The following CWC27 variants were observed in gnomAD, a reference collection of about 807,000 sequenced individuals.
CWC27 encodes spliceosome-associated protein CWC27 homolog.
In CWC27, 47 loss-of-function variants were observed where a neutral mutation model predicts 63.6. The ratio of observed to expected loss-of-function variants is 0.74; its 90% CI spans 0.58 to 0.94. The LOEUF (loss-of-function observed/expected upper bound fraction) is 0.94, where lower values mean the gene tolerates loss of function less well. CWC27 is among the 40% of genes least tolerant of loss of function. CWC27 has a pLI of 0.00. For missense variants in CWC27, 495 were observed against 554.3 expected (o/e 0.89, Z 1.07); for synonymous variants, 175 against 179.8 (o/e 0.97, Z 0.22).
At chr5:65,016,230 T>A (rs2915438) in intron 13 of CWC27, among the ~76,000 whole-genome samples, 131,666 of 152,180 alleles carry the variant, frequency 0.87, 57,141 homozygotes, top group African/African-American at 0.93. Flanking sequence ...CATTTTCTAA[T>A]TAAGGGTGTC....
rs974444854 is a variant in CWC27, at chr5:65,014,227, A to T, written c.1257-3932A>T. Among the ~76,000 whole-genome samples the T allele has an allele frequency of 2.8e-5, 4 of 143,536 alleles. No individual in the cohort carries two copies. In the East Asian group the frequency reaches 8.0e-4, roughly 29 times the overall value. 94.2% of individuals were successfully genotyped at this position (143,536 alleles called of 152,430 possible). A position where few individuals can be genotyped will look rare whatever the true frequency, so the allele number is the denominator to read the frequency against. The stretch of plus-strand genomic sequence containing the variant: ...TATATAATATATACTATATACTACA[A>T]TATATAATAGATTACATATTATATA... On this transcript the variant is annotated intron_variant, in intron 13 of 13. Transcript: ENST00000381070.
intron 13 of CWC27, among the ~76,000 whole-genome samples, chr5:65,009,592 C>T (rs956370559): frequency 2.0e-5 from 3 of 152,100 alleles, no homozygotes; most frequent in Admixed American, 6.5e-5. Context: ...GAGGGTGCCC[C>T]CGCTCTCCCT....
At chr5:64,868,001 A>G (rs1342566383) in intron 10 of CWC27, among the ~76,000 whole-genome samples, 1 of 151,970 alleles carries the variant, frequency 6.6e-6, no homozygotes, top group East Asian at 1.9e-4. Context: ...GACATATCAC[A>G]TACCAGATTT....
At chr5:64,786,456 A>G (rs1391583582) in intron 5 of CWC27, 68 bp from the exon 6 acceptor site, 3 of 900,744 alleles carry the variant, frequency 3.3e-6, no homozygotes, top group Non-Finnish European at 5.0e-6. Flanking sequence ...CTGGAATTAC[A>G]TACGGGGTTT....
chr5:65,016,424 C>A (rs146987452), intron 13 of CWC27, among the ~76,000 whole-genome samples: 80 of 151,914 alleles, frequency 5.3e-4, no homozygotes, highest in African/African-American at 1.9e-3. Flanking sequence ...TCACTTGATC[C>A]CAGGAGTTCG....
At chr5:64,876,765 A>G (rs2112332053) in intron 10 of CWC27, among the ~76,000 whole-genome samples, 1 of 152,202 alleles carries the variant, frequency 6.6e-6, no homozygotes, top group African/African-American at 2.4e-5. Context: ...TTCCTAAGGC[A>G]CATTCCTAGA....
intron 11 of CWC27, among the ~76,000 whole-genome samples, chr5:64,939,375 C>T (rs181838579): frequency 6.6e-6 from 1 of 152,218 alleles, no homozygotes; most frequent in African/African-American, 2.4e-5. Context: ...TTAGGCCCCT[C>T]TGCTGCAGGT....
intron 11 of CWC27, among the ~76,000 whole-genome samples, chr5:64,970,249 G>A (rs1749095268): frequency 7.0e-6 from 1 of 142,580 alleles, no homozygotes. Flanking sequence ...GTCTCGCTCT[G>A]TCGCCCAGGC....
chr5:64,921,655 C>T (rs867864825), intron 11 of CWC27, among the ~76,000 whole-genome samples: 26 of 152,252 alleles, frequency 1.7e-4, no homozygotes, highest in Admixed American at 5.2e-4. Context: ...AGACCATTTA[C>T]ATTCAGGGTC....
At chr5:64,801,167 C>T in intron 8 of CWC27, 135 bp from the exon 9 acceptor site, 1 of 829,112 alleles carries the variant, frequency 1.2e-6, no homozygotes, top group African/African-American at 1.9e-5. Context: ...TCTATAATGC[C>T]TTTCTTAAAT....
At chr5:64,989,536 G>A (rs1749496411) in intron 13 of CWC27, among the ~76,000 whole-genome samples, 1 of 152,224 alleles carries the variant, frequency 6.6e-6, no homozygotes, top group South Asian at 2.1e-4. Context: ...CCAGAGAGAA[G>A]TTGAAAAACA....
At chr5:64,906,070 A>G (rs1354237354) in intron 11 of CWC27, among the ~76,000 whole-genome samples, 1 of 152,240 alleles carries the variant, frequency 6.6e-6, no homozygotes, top group East Asian at 1.9e-4. Flanking sequence ...TTCTTAATCC[A>G]GTCTATCATT....
chr5:64,809,622 C>G (rs1025628389), intron 10 of CWC27, among the ~76,000 whole-genome samples: 2 of 152,194 alleles, frequency 1.3e-5, no homozygotes, highest in Admixed American at 6.5e-5. Flanking sequence ...CCGCCTCTGC[C>G]TCCCAAAGTG....
chr5:64,860,560 A>G (rs2112310247), intron 10 of CWC27, among the ~76,000 whole-genome samples: 1 of 152,318 alleles, frequency 6.6e-6, no homozygotes, highest in South Asian at 2.1e-4. Context: ...ACCATGTTTT[A>G]TGATGGGTAC....
chr5:65,006,503 GATTT>G (rs572185397), intron 13 of CWC27, among the ~76,000 whole-genome samples: 267 of 152,102 alleles, frequency 1.8e-3, no homozygotes, highest in African/African-American at 6.1e-3. Context: ...CCTTTATAAA[GATTT>G]ATTAAAATCT....
intron 11 of CWC27, among the ~76,000 whole-genome samples, chr5:64,891,036 G>A (rs1747221760): frequency 6.6e-6 from 1 of 152,044 alleles, no homozygotes; most frequent in Admixed American, 6.5e-5. Flanking sequence ...GGAAACACAA[G>A]AACATAAGAG....
intron 11 of CWC27, among the ~76,000 whole-genome samples, chr5:64,914,194 C>T (rs1469221581): frequency 6.6e-6 from 1 of 152,010 alleles, no homozygotes; most frequent in Non-Finnish European, 1.5e-5. Context: ...ATGTGAATGA[C>T]AAAGCAATAA....
chr5:64,769,509 AACT>A, intron 1 of CWC27, among the ~76,000 whole-genome samples: 1 of 152,318 alleles, frequency 6.6e-6, no homozygotes, highest in Non-Finnish European at 1.5e-5. Context: ...TTCTTTGCTT[AACT>A]AAGGTCATTC....
Position 64,954,569 on chromosome 5 carries a change from GC to G in CWC27, c.1043-17132del, listed in dbSNP as rs571695843. ...CCAAATTCTGGGATTACAGGAATGAGCCACCGTGCACAGCCCCCTATTATAT... is the reference window on the plus strand; with the variant it reads ...CCAAATTCTGGGATTACAGGAATGAGCACCGTGCACAGCCCCCTATTATAT... On this transcript the variant is annotated intron_variant, in intron 11 of 13. Coordinates refer to ENST00000381070, the MANE Select transcript of CWC27 (RefSeq NM_005869.4). Among the ~76,000 whole-genome samples the G allele has an allele frequency of 4.2e-3, 622 of 147,188 alleles. 2 individuals are homozygous for G. The highest frequency in any genetic ancestry group is 0.015 in the African/African-American group (581 of 37,578).
Sources: allele counts gnomAD v4.1 joint callset (sites outside exome capture counted in the v4.1 genomes callset), GRCh38; gene constraint gnomAD v4.1.1; transcripts MANE v1.5; gene names NCBI Gene and HGNC (gene_info 2026-07-23, HGNC 2026-07-21).